The following SPATA6 variants were observed in gnomAD, a reference collection of about 807,000 sequenced individuals.
The protein encoded by SPATA6 is spermatogenesis associated 6.
Under a neutral mutation model 65.3 loss-of-function variants are expected in SPATA6, and 56 were observed. The observed-to-expected ratio is 0.86, with a 90% CI of 0.69 to 1.07. The LOEUF is 1.07. Ranked by LOEUF, SPATA6 falls within the 50% of genes least tolerant of loss-of-function variation. The pLI is 0.00. For synonymous variants in SPATA6, 199 were observed against 213.2 expected (o/e 0.93, Z 0.58); for missense variants, 590 against 594.8 (o/e 0.99, Z 0.08).
chr1:48,282,050 C>A, the SPATA6 span, among the ~76,000 whole-genome samples: 1 of 152,320 alleles, frequency 6.6e-6, no homozygotes, highest in Non-Finnish European at 1.5e-5. Flanking sequence ...ACTATCTGAT[C>A]TTTGACAAAC....
intron 9 of SPATA6, among the ~76,000 whole-genome samples, chr1:48,379,014 T>C (rs1258649549): frequency 3.9e-5 from 6 of 152,198 alleles, no homozygotes; most frequent in Admixed American, 3.3e-4. Context: ...AAATGTCACA[T>C]GATTATGCTT....
intron 11 of SPATA6, among the ~76,000 whole-genome samples, chr1:48,328,259 G>C (rs377442383): frequency 4.1e-4 from 62 of 152,072 alleles, no homozygotes; most frequent in South Asian, 2.1e-3. Flanking sequence ...TAATAGTTTG[G>C]CAATTCCTCA....
intron 9 of SPATA6, among the ~76,000 whole-genome samples, chr1:48,362,827 T>C (rs1485723336): frequency 6.6e-6 from 1 of 152,104 alleles, no homozygotes; most frequent in African/African-American, 2.4e-5. Context: ...TGAATAATAG[T>C]TGGGCTATTT....
chr1:48,472,082 G>T lies in SPATA6; in HGVS notation c.-74C>A. On this transcript the variant is annotated 5_prime_UTR_variant, in exon 1 of 13. Coordinates refer to ENST00000371847, the MANE Select transcript of SPATA6 (RefSeq NM_019073.4). ...GAGGCGGGGAGACCTGGGGCTGGGC[G>T]GGGACGGGGAGGAGACGAGGTGGCG... 2 of 1,185,912 alleles carry T rather than the reference G, an allele frequency of 1.7e-6. No individual in the cohort carries two copies. The highest frequency in any genetic ancestry group is 2.3e-6 in the Non-Finnish European group (2 of 885,914). The allele number at this position is 1,185,912 out of a possible 1,614,324, so 73.5% of individuals were successfully genotyped here.
chr1:48,448,373 A>G (rs749928275), intron 3 of SPATA6, among the ~76,000 whole-genome samples: 5 of 152,152 alleles, frequency 3.3e-5, no homozygotes, highest in African/African-American at 4.8e-5. Context: ...CCCAAAATCT[A>G]AAACTTTTTG....
the SPATA6 span, among the ~76,000 whole-genome samples, chr1:48,266,976 A>G: frequency 4.4e-3 from 667 of 152,298 alleles, 4 homozygotes; most frequent in Middle Eastern, 0.01. Context: ...CCTTTTCAAT[A>G]TAATATTTTC....
intron 2 of SPATA6, among the ~76,000 whole-genome samples, chr1:48,452,565 G>T (rs12025139): frequency 0.076 from 11,615 of 151,888 alleles, 605 homozygotes; most frequent in East Asian, 0.2. Flanking sequence ...TGTATTTTTA[G>T]AACAGACAGG....
intron 3 of SPATA6, among the ~76,000 whole-genome samples, chr1:48,422,502 G>A (rs1207187405): frequency 1.3e-5 from 2 of 152,118 alleles, no homozygotes; most frequent in African/African-American, 2.4e-5. Flanking sequence ...TTTGGATAGG[G>A]CCCCCAGAAG....
chr1:48,314,573 C>T (rs951751338), intron 11 of SPATA6, among the ~76,000 whole-genome samples: 2 of 152,110 alleles, frequency 1.3e-5, no homozygotes, highest in African/African-American at 4.8e-5. Context: ...GCACTAAATG[C>T]CCACAAGAGA....
intron 11 of SPATA6, among the ~76,000 whole-genome samples, chr1:48,333,905 G>A (rs912532158): frequency 4.6e-5 from 7 of 152,076 alleles, no homozygotes; most frequent in African/African-American, 1.7e-4. Flanking sequence ...AACAAGAAAA[G>A]AGAGCATATC....
chr1:48,273,224 G>A, the SPATA6 span, among the ~76,000 whole-genome samples: 1 of 152,052 alleles, frequency 6.6e-6, no homozygotes, highest in African/African-American at 2.4e-5. Flanking sequence ...ATGCCTTCTT[G>A]TACGGTTTTG....
intron 11 of SPATA6, among the ~76,000 whole-genome samples, chr1:48,314,832 A>G (rs1645354920): frequency 6.6e-6 from 1 of 152,108 alleles, no homozygotes; most frequent in South Asian, 2.1e-4. Context: ...AGAATCAAAT[A>G]AACGCAATAA....
chr1:48,432,542 T>A (rs1654503189), intron 3 of SPATA6, among the ~76,000 whole-genome samples: 1 of 152,080 alleles, frequency 6.6e-6, no homozygotes, highest in Non-Finnish European at 1.5e-5. Flanking sequence ...ATGCTCAAGA[T>A]CACTAATAAT....
Position 48,298,885 on chromosome 1 carries a change from T to G in SPATA6, c.1295A>C (p.Gln432Pro). 2 of 1,612,638 alleles carry G rather than the reference T, an allele frequency of 1.2e-6. No homozygotes were observed. The highest frequency in any genetic ancestry group is 1.7e-6 in the Non-Finnish European group (2 of 1,179,532). The change falls in exon 13 of 13, where the codon CAG becomes CCG. Residue 432 changes from glutamine (Q) to proline (P), a missense_variant. Gln to Pro is a moderately conservative substitution (Grantham distance 76, BLOSUM62 -1). Transcript: ENST00000371847. ...CAAATGGAAAGTGCCACGTGGCTGC[T>G]GACATGAGCTATAAAAAGGGATATA... ...YDSDPEYSSCQQPRGTFHLDD... is the reference protein window; with the variant it reads ...YDSDPEYSSCPQPRGTFHLDD...
chr1:48,332,279 C>T (rs935842352), intron 11 of SPATA6, among the ~76,000 whole-genome samples: 1 of 152,076 alleles, frequency 6.6e-6, no homozygotes, highest in Admixed American at 6.6e-5. Context: ...TTAAAACGCA[C>T]AAAGTGGCTG....
chr1:48,355,623 CT>C, intron 11 of SPATA6, 46 bp downstream of exon 11: 1 of 1,364,246 alleles, frequency 7.3e-7, no homozygotes, highest in Non-Finnish European at 1.0e-6. Context: ...TGGTGGTTTT[CT>C]TGACCTATTA....
chr1:48,339,056 A>G (rs186085813), intron 11 of SPATA6, among the ~76,000 whole-genome samples: 22 of 152,126 alleles, frequency 1.4e-4, no homozygotes, highest in Non-Finnish European at 1.0e-4. Flanking sequence ...GAAATACATG[A>G]CCAATTTCTG....
At chr1:48,364,015 T>C (rs1212372568) in intron 9 of SPATA6, among the ~76,000 whole-genome samples, 3 of 151,974 alleles carry the variant, frequency 2.0e-5, no homozygotes, top group Non-Finnish European at 4.4e-5. Context: ...TGTGCTCTCC[T>C]TGTTCAATTC....
intron 3 of SPATA6, chr1:48,436,157 C>T (rs1654921859): frequency 3.7e-6 from 6 of 1,610,260 alleles, no homozygotes; most frequent in South Asian, 1.1e-5. Flanking sequence ...CAAGTAGAAA[C>T]AGGAAGAGGA....
Sources: gnomAD v4.1 joint callset for allele counts (sites outside exome capture counted in the v4.1 genomes callset) on GRCh38, gnomAD v4.1.1 for gene constraint, MANE v1.5 for transcripts, NCBI Gene and HGNC (gene_info 2026-07-23, HGNC 2026-07-21) for gene names.